FREM3: variants seen among roughly 807,000 people sequenced by gnomAD.
FREM3 encodes the protein FRAS1 related extracellular matrix 3, also known as FRAS1-related extracellular matrix protein 3.
A neutral mutation model predicts 129.1 loss-of-function variants in FREM3; 105 were observed. The observed-to-expected ratio is 0.81, with a 90% CI of 0.69 to 0.96. The LOEUF is 0.96. FREM3 is among the 40% of genes least tolerant of loss of function. The pLI, the probability that FREM3 is intolerant of heterozygous loss-of-function variation, is 0.00. For synonymous variants in FREM3, 1,014 were observed against 1,044.9 expected (o/e 0.97, Z 0.57); for missense variants, 2,593 against 2,666.3 (o/e 0.97, Z 0.61).
chr4:143,684,545 C>T lies in FREM3; in HGVS notation c.5275+8568G>A, dbSNP rs549698722. 9.9e-5 allele frequency among the ~76,000 whole-genome samples: 15 copies of T among 152,272 alleles called. No homozygotes were observed. In the Middle Eastern group the frequency reaches 0.01, roughly 104 times the overall value. On this transcript the variant is annotated intron_variant, in intron 2 of 7. Coordinates refer to ENST00000329798, the MANE Select transcript of FREM3 (RefSeq NM_001168235.2). Reference sequence around the variant, plus strand: ...AGACCTTCCCTCTGACAGAGGCTACCCAAATGAGAAGGAACCAGAAAACCA... The same window carrying T: ...AGACCTTCCCTCTGACAGAGGCTACTCAAATGAGAAGGAACCAGAAAACCA...
chr4:143,604,124 C>T (rs889259072), intron 6 of FREM3, among the ~76,000 whole-genome samples: 8 of 152,160 alleles, frequency 5.3e-5, no homozygotes, highest in African/African-American at 1.9e-4. Context: ...GGCACTTCCT[C>T]CCCTCTCTGT....
intron 2 of FREM3, among the ~76,000 whole-genome samples, chr4:143,684,252 A>T (rs544457930): frequency 6.6e-6 from 1 of 152,148 alleles, no homozygotes; most frequent in African/African-American, 2.4e-5. Flanking sequence ...CATGGAGTCC[A>T]TTGCACCCCC....
chr4:143,643,743 C>G (rs1391821387), intron 2 of FREM3, among the ~76,000 whole-genome samples: 1 of 151,968 alleles, frequency 6.6e-6, no homozygotes, highest in Non-Finnish European at 1.5e-5. Context: ...TTCTGGTGTT[C>G]TGTTGCACAG....
At chr4:143,626,999 A>G (rs869166) in intron 3 of FREM3, among the ~76,000 whole-genome samples, 70,349 of 152,004 alleles carry the variant, frequency 0.46, 16,599 homozygotes, top group African/African-American at 0.53. Flanking sequence ...TTATGAAAAT[A>G]CAATGCCTTA....
chr4:143,673,288 G>A (rs1250943599), intron 2 of FREM3, among the ~76,000 whole-genome samples: 1 of 152,210 alleles, frequency 6.6e-6, no homozygotes, highest in African/African-American at 2.4e-5. Flanking sequence ...TGTCCTTCCT[G>A]TTTGTTAGTT....
chr4:143,662,904 A>T (rs1193193472), intron 2 of FREM3, among the ~76,000 whole-genome samples: 1 of 151,614 alleles, frequency 6.6e-6, no homozygotes, highest in Non-Finnish European at 1.5e-5. Context: ...TAGGATTGCA[A>T]CCCCTGCCTT....
chr4:143,696,183 T>G lies in FREM3; in HGVS notation c.4493A>C (p.Tyr1498Ser), dbSNP rs1740564522. 5 of 1,537,668 alleles carry G rather than the reference T, an allele frequency of 3.3e-6. No individual in the cohort carries two copies. The highest frequency in any genetic ancestry group is 4.4e-6 in the Non-Finnish European group (5 of 1,147,038). The change falls in exon 1 of 8, where the codon TAT (tyrosine) becomes TCT (serine). Residue 1498 changes from tyrosine to serine, a missense_variant. Transcript: ENST00000329798. ...QLQLASNKIS[Y>S]VHTSNDEKKM... Reference sequence around the variant, plus strand: ...TTTCTCATCATTTGAAGTATGGACATAGGATATTTTGTTGCTAGCCAATTG... The same window carrying G: ...TTTCTCATCATTTGAAGTATGGACAGAGGATATTTTGTTGCTAGCCAATTG...
rs1740637200 is a variant in FREM3 at position 143,699,002 on chromosome 4, C to G, written c.1674G>C (p.Gln558His). Residue 558 changes from glutamine (Q) to histidine (H), a missense_variant, in exon 1 of 8, where the codon CAG becomes CAC. By Grantham distance (24) the Gln-to-His change is conservative. Transcript: ENST00000329798. The surrounding 1 kb of genome is among the most constrained non-coding windows in gnomAD (Gnocchi z 4.2). ...GTACAAAGGGAGAGATCTGGACCAC[C>G]TGCCCTTCAGTGAGTGAGAGTCCTG... The part of the protein sequence containing the change: ...TNTGLSLTEG[Q>H]VVQISPFVLS... 2.0e-6 allele frequency: 3 copies of G among 1,537,186 alleles called. No individual in the cohort carries two copies. Among genetic ancestry groups the G allele is most frequent in the East Asian group, 2.4e-5 (1 of 40,930 alleles).
At chr4:143,634,422 C>T (rs1048044481) in intron 2 of FREM3, among the ~76,000 whole-genome samples, 4 of 151,960 alleles carry the variant, frequency 2.6e-5, no homozygotes, top group African/African-American at 9.7e-5. Flanking sequence ...CTAGTGGGAC[C>T]CCAGCGGCTT....
At position 143,695,524 on chromosome 4, in the gene FREM3, G is replaced by A; in HGVS notation, c.5152C>T (p.Leu1718Phe). Residue 1718 changes from leucine (L) to phenylalanine (F), a missense_variant, in exon 1 of 8, where the codon CTT becomes TTT. By Grantham distance (22) the Leu-to-Phe change is conservative (BLOSUM62 0). Coordinates refer to ENST00000329798, the MANE Select transcript of FREM3 (RefSeq NM_001168235.2). ...PEHGFIIKTG[L>F]GNQSTRVFTQ... ...AACACTCGAGTGCTCTGGTTTCCAA[G>A]GCCAGTTTTGATAATGAAGCCATGC... The A allele has an allele frequency of 6.5e-7, 1 of 1,537,508 alleles. No individual in the cohort carries two copies. Among genetic ancestry groups the A allele is most frequent in the Non-Finnish European group, 8.7e-7 (1 of 1,146,958 alleles).
At chr4:143,592,672 C>T (rs968003423) in intron 6 of FREM3, among the ~76,000 whole-genome samples, 2 of 152,186 alleles carry the variant, frequency 1.3e-5, no homozygotes, top group South Asian at 2.1e-4. Context: ...CTGCCCTTAA[C>T]ATTTTTTCCT....
intron 6 of FREM3, among the ~76,000 whole-genome samples, chr4:143,590,410 C>A (rs1192637926): frequency 6.6e-6 from 1 of 152,128 alleles, no homozygotes; most frequent in Non-Finnish European, 1.5e-5. Flanking sequence ...GTGATACGTC[C>A]CATCAATACC....
In FREM3 at chr4:143,696,456, ACC is replaced by A; in HGVS notation, c.4218_4219del (p.Val1407Ter). 6.5e-7 allele frequency: 1 copy of A among 1,537,612 alleles called. No individual in the cohort carries two copies. The highest frequency in any genetic ancestry group is 1.2e-5 in the South Asian group (1 of 84,036). ...GAAGTAGTGGTCTGTCAAAGTGTTA[ACC>A]CCATCAGTAACATCAAACTTGATAA... On this transcript the variant is annotated frameshift_variant, in exon 1 of 8. Coordinates refer to ENST00000329798, the MANE Select transcript of FREM3 (RefSeq NM_001168235.2). LOFTEE classifies it high-confidence loss of function.
chr4:143,602,967 G>T (rs546591610), intron 6 of FREM3, among the ~76,000 whole-genome samples: 43 of 152,114 alleles, frequency 2.8e-4, no homozygotes, highest in Non-Finnish European at 5.6e-4. Context: ...GCTGTTATTG[G>T]CTTGATGGGA....
At chr4:143,676,280 A>G (rs1740118653) in intron 2 of FREM3, among the ~76,000 whole-genome samples, 1 of 152,234 alleles carries the variant, frequency 6.6e-6, no homozygotes, top group African/African-American at 2.4e-5. Flanking sequence ...AACAGAATCA[A>G]AGACAAAAAC....
Position 143,698,285 on chromosome 4 carries a change from T to C in FREM3, c.2391A>G (p.Pro797=). ...CCTGGTAAGTAAACTGCACAACCCG[T>C]GGTGCAATACCCAATTTCTGTGGAG... ...YQPPQKLGIA[P]RVVQFTYQVE... Residue 797 remains proline, a synonymous_variant, in exon 1 of 8, where the codon CCA becomes CCG. Coordinates refer to ENST00000329798, the MANE Select transcript of FREM3 (RefSeq NM_001168235.2). The C allele has an allele frequency of 2.0e-6, 3 of 1,537,674 alleles. No homozygotes were observed. Among genetic ancestry groups the C allele is most frequent in the Non-Finnish European group, 2.6e-6 (3 of 1,147,028 alleles).
At chr4:143,690,501 G>T (rs969718749) in intron 2 of FREM3, among the ~76,000 whole-genome samples, 1 of 152,060 alleles carries the variant, frequency 6.6e-6, no homozygotes. Flanking sequence ...TTGAATACTG[G>T]TATGGGAAAC....
intron 2 of FREM3, among the ~76,000 whole-genome samples, chr4:143,658,428 TTCTC>T (rs1222574220): frequency 6.6e-6 from 1 of 152,202 alleles, no homozygotes; most frequent in Non-Finnish European, 1.5e-5. Flanking sequence ...GTCTGGAGAC[TTCTC>T]AGTCTCCAGA....
chr4:143,687,100 G>T (rs1440338914), intron 2 of FREM3, among the ~76,000 whole-genome samples: 2 of 151,856 alleles, frequency 1.3e-5, no homozygotes, highest in Non-Finnish European at 2.9e-5. Context: ...TAGACCATTG[G>T]CAAGACTAAT....
Sources: allele counts gnomAD v4.1 joint callset (sites outside exome capture counted in the v4.1 genomes callset), GRCh38; gene constraint gnomAD v4.1.1; non-coding constraint Gnocchi (gnomAD v3.1); transcripts MANE v1.5; gene names NCBI Gene and HGNC (gene_info 2026-07-23, HGNC 2026-07-21).